The following PVT1 variants were observed in gnomAD, a reference collection of about 807,000 sequenced individuals.
PVT1 encodes Pvt1 oncogene.
chr8:127,876,747 G>C (rs1237817371), intron 2 of PVT1, among the ~76,000 whole-genome samples: 1 of 152,180 alleles, frequency 6.6e-6, no homozygotes, highest in African/African-American at 2.4e-5. Context: ...CACAACTCCT[G>C]TCCTCCGTGG....
intron 2 of PVT1, among the ~76,000 whole-genome samples, chr8:127,863,114 A>T (rs1027575212): frequency 1.1e-4 from 15 of 140,444 alleles, no homozygotes; most frequent in Admixed American, 1.1e-3. Context: ...TTATTTATTT[A>T]TTTATTTATT....
At chr8:127,866,057 C>T (rs373831763) in intron 2 of PVT1, among the ~76,000 whole-genome samples, 8 of 152,176 alleles carry the variant, frequency 5.3e-5, no homozygotes, top group Admixed American at 2.0e-4. Context: ...GCCCTGCCTC[C>T]GGCTGCCTGG....
intron 2 of PVT1, among the ~76,000 whole-genome samples, chr8:127,829,732 G>C (rs542430032): frequency 7.4e-4 from 112 of 152,310 alleles, no homozygotes; most frequent in Middle Eastern, 6.8e-3. Context: ...ACATGGACTG[G>C]AGACAATATT....
chr8:128,062,015 G>A (rs1162111021), intron 4 of PVT1, among the ~76,000 whole-genome samples: 2 of 152,276 alleles, frequency 1.3e-5, no homozygotes, highest in Non-Finnish European at 2.9e-5. Context: ...CACAGGGCCA[G>A]TGCCTGGCAG....
At chr8:127,964,949 C>G (rs914519407) in intron 3 of PVT1, among the ~76,000 whole-genome samples, 2 of 152,180 alleles carry the variant, frequency 1.3e-5, no homozygotes, top group Admixed American at 6.5e-5. Context: ...CGTGAGCCCC[C>G]ACTCCTATCC....
At chr8:127,831,380 G>T (rs999499296) in intron 2 of PVT1, among the ~76,000 whole-genome samples, 2 of 152,078 alleles carry the variant, frequency 1.3e-5, no homozygotes, top group Non-Finnish European at 2.9e-5. Flanking sequence ...CGGGGAAGAT[G>T]GGCAGTAGAT....
intron 2 of PVT1, among the ~76,000 whole-genome samples, chr8:127,828,751 C>T (rs2129693488): frequency 6.6e-6 from 1 of 152,230 alleles, no homozygotes; most frequent in South Asian, 2.1e-4. Context: ...CAGACTCATC[C>T]TTCCATGTGT....
At chr8:128,091,246 G>C (rs1017136141) in intron 5 of PVT1, among the ~76,000 whole-genome samples, 1 of 152,116 alleles carries the variant, frequency 6.6e-6, no homozygotes, top group Non-Finnish European at 1.5e-5. Flanking sequence ...CCTGTCCCAA[G>C]GTTGCCCTGG....
At chr8:127,844,684 G>A (rs1461282529) in intron 2 of PVT1, among the ~76,000 whole-genome samples, 1 of 151,752 alleles carries the variant, frequency 6.6e-6, no homozygotes, top group Non-Finnish European at 1.5e-5. Context: ...GGGTAGGAAT[G>A]GAGGTGTGTT....
At chr8:128,063,205 G>A (rs141941225) in intron 4 of PVT1, among the ~76,000 whole-genome samples, 50 of 152,158 alleles carry the variant, frequency 3.3e-4, no homozygotes, top group Non-Finnish European at 6.5e-4. Flanking sequence ...ATCTGTAATC[G>A]TTGCAGATGC....
At chr8:128,065,867 T>G (rs1257699235) in intron 4 of PVT1, among the ~76,000 whole-genome samples, 1 of 152,222 alleles carries the variant, frequency 6.6e-6, no homozygotes, top group African/African-American at 2.4e-5. Context: ...CTTTCGTTCA[T>G]TCACCTACTC....
At chr8:127,919,039 T>TGAAGAA (rs763139744) in intron 3 of PVT1, among the ~76,000 whole-genome samples, 174 of 152,342 alleles carry the variant, frequency 1.1e-3, no homozygotes, top group Non-Finnish European at 2.2e-3. Flanking sequence ...AGATGACCGC[T>TGAAGAA]GTCAGGTTGG....
intron 3 of PVT1, among the ~76,000 whole-genome samples, chr8:127,921,337 G>A (rs1030652114): frequency 9.4e-6 from 1 of 105,988 alleles, no homozygotes; most frequent in African/African-American, 3.5e-5. Context: ...ATTTAAAAAT[G>A]TTAAAAAAAA....
chr8:127,935,389 G>A (rs956617635), intron 3 of PVT1, among the ~76,000 whole-genome samples: 2 of 152,070 alleles, frequency 1.3e-5, no homozygotes, highest in African/African-American at 4.8e-5. Flanking sequence ...TTTTGCTTCT[G>A]AAGGTGAACC....
chr8:127,911,607 C>T (rs1392564888), intron 3 of PVT1, among the ~76,000 whole-genome samples: 1 of 152,238 alleles, frequency 6.6e-6, no homozygotes, highest in African/African-American at 2.4e-5. Flanking sequence ...ATCCTCGCTA[C>T]CACCCCTGCG....
At chr8:128,010,488 C>G (rs550475401) in intron 4 of PVT1, 10 of 152,330 alleles carry the variant, frequency 6.6e-5, no homozygotes, top group African/African-American at 2.4e-4. Flanking sequence ...GGTTTGCCTT[C>G]TTTTCCGCAC....
intron 2 of PVT1, among the ~76,000 whole-genome samples, chr8:127,824,057 G>T (rs1326136746): frequency 2.0e-5 from 3 of 152,146 alleles, no homozygotes. Context: ...GCCATACATG[G>T]TGGAGTGCGC....
At chr8:127,975,426 G>A (rs1366919334) in intron 3 of PVT1, among the ~76,000 whole-genome samples, 1 of 152,090 alleles carries the variant, frequency 6.6e-6, no homozygotes, top group Non-Finnish European at 1.5e-5. Flanking sequence ...GCCTCTGTGT[G>A]TTTACCAACT....
intron 2 of PVT1, among the ~76,000 whole-genome samples, chr8:127,846,549 T>C (rs1815035891): frequency 6.6e-6 from 1 of 152,190 alleles, no homozygotes; most frequent in African/African-American, 2.4e-5. Context: ...CTGGAGCCTG[T>C]GCCGTGTGTT....
Sources: gnomAD v4.1 joint callset for allele counts (sites outside exome capture counted in the v4.1 genomes callset) on GRCh38, gnomAD v4.1.1 for gene constraint, MANE v1.5 for transcripts, NCBI Gene and HGNC (gene_info 2026-07-23, HGNC 2026-07-21) for gene names.